TP53I3: variants seen among roughly 807,000 people sequenced by gnomAD.
The protein encoded by TP53I3 is quinone oxidoreductase PIG3.
In TP53I3, 32 loss-of-function variants were observed where a neutral mutation model predicts 27.7. The ratio of observed to expected loss-of-function variants is 1.16; its 90% CI spans 0.87 to 1.55. TP53I3 has a LOEUF of 1.55. TP53I3 is among the 40% of genes most tolerant of loss of function. The pLI, the probability that TP53I3 is intolerant of heterozygous loss-of-function variation, is 0.00. For missense variants in TP53I3, 372 were observed against 412.3 expected (o/e 0.90, Z 0.85); for synonymous variants, 138 against 167.8 (o/e 0.82, Z 1.37).
Position 24,077,547 on chromosome 2 carries a change from G to A in TP53I3, c.*32C>T. On this transcript the variant is annotated 3_prime_UTR_variant, in exon 5 of 5. Transcript: ENST00000238721. The surrounding 1 kb of genome is among the most constrained non-coding windows in gnomAD (Gnocchi z 5.5). The stretch of plus-strand genomic sequence containing the variant: ...CCAGGTTTGCTCTGGAAAGGCCTGG[G>A]GTGGCCGCGTCCTGTCCTGCCCCAT... 1 of 1,592,800 alleles carries A rather than the reference G, an allele frequency of 6.3e-7. No individual in the cohort carries two copies. Among genetic ancestry groups the A allele is most frequent in the Non-Finnish European group, 8.5e-7 (1 of 1,170,508 alleles).
At chr2:24,079,680 T>C in intron 3 of TP53I3, 40 bp from the exon 4 acceptor site, 1 of 1,590,730 alleles carries the variant, frequency 6.3e-7, no homozygotes, top group Non-Finnish European at 8.6e-7. Context: ...GTCAGCTTGG[T>C]GCTAAATAAG....
In TP53I3 at chr2:24,077,492, G is replaced by T. The variant is rs1664801091; in HGVS notation, c.*87C>A. On this transcript the variant is annotated 3_prime_UTR_variant, in exon 5 of 5. Transcript: ENST00000238721. The surrounding 1 kb of genome is among the most constrained non-coding windows in gnomAD (Gnocchi z 5.5). ...TAAACGGCTCTGGAGGAAGCACCGG[G>T]TTTCTTGGCCTGTCTATTGTGAATC... is the stretch of plus-strand genomic sequence containing the variant. 6 of 1,425,156 alleles carry T rather than the reference G, an allele frequency of 4.2e-6. No homozygotes were observed. The highest frequency in any genetic ancestry group is 1.4e-5 in the South Asian group (1 of 70,016). 88.3% of individuals were successfully genotyped at this position (1,425,156 alleles called of 1,614,324 possible).
intron 4 of TP53I3, among the ~76,000 whole-genome samples, chr2:24,078,063 G>C (rs1223835866): frequency 6.6e-6 from 1 of 152,116 alleles, no homozygotes; most frequent in Non-Finnish European, 1.5e-5. Flanking sequence ...ATTCCTCTGA[G>C]AGGGGTACCC....
rs145078765 is a variant in TP53I3 at position 24,079,505 on chromosome 2, G to A, written c.755C>T (p.Ser252Leu). The change falls in exon 4 of 5, where the codon TCA (serine) becomes TTA (leucine). Residue 252 changes from serine (S) to leucine (L), a missense_variant. Coordinates refer to ENST00000238721, the MANE Select transcript of TP53I3 (RefSeq NM_004881.5). ...ACTTCCTCGCTTAAAAAGTAGCTTT[G>A]AAAACAGGGGCCCATTGATGTCACC... ...GGGDINGPLFSKLLFKRGSLI... is the reference protein window; with the variant it reads ...GGGDINGPLFLKLLFKRGSLI... The A allele has an allele frequency of 6.2e-7, 1 of 1,614,114 alleles. No homozygotes were observed. The highest frequency in any genetic ancestry group is 1.1e-5 in the South Asian group (1 of 91,078).
rs144936276 is a variant in TP53I3 at position 24,077,699 on chromosome 2, G to C, written c.879C>G (p.Gly293=). 1 of 1,614,080 alleles carries C rather than the reference G, an allele frequency of 6.2e-7. No individual in the cohort carries two copies. The highest frequency in any genetic ancestry group is 1.7e-5 in the Admixed American group (1 of 60,016). The change falls in exon 5 of 5, where the codon GGC becomes GGG. Residue 293 remains glycine, a synonymous_variant. Transcript: ENST00000238721. The surrounding 1 kb of genome is among the most constrained non-coding windows in gnomAD (Gnocchi z 5.5). ...EQILPHFSTE[G]PQRLLPVLDR... ...CCAGAACCGGCAGCAGACGTTGGGGGCCCTCCGTGGAGAAGTGAGGCAGAA... is the reference window on the plus strand; with the variant it reads ...CCAGAACCGGCAGCAGACGTTGGGGCCCCTCCGTGGAGAAGTGAGGCAGAA...
At chr2:24,079,963 C>T (rs947314181) in intron 3 of TP53I3, among the ~76,000 whole-genome samples, 2 of 152,174 alleles carry the variant, frequency 1.3e-5, no homozygotes, top group Non-Finnish European at 2.9e-5. Context: ...GGAGGCCCAA[C>T]CTAGGCTAGT....
At position 24,080,658 on chromosome 2, in the gene TP53I3, C is replaced by A; in HGVS notation, c.619+161G>T. On this transcript the variant is annotated intron_variant, in intron 3 of 4. Transcript: ENST00000238721. This position sits in a 1 kb window ranked among gnomAD's most constrained non-coding sequence, Gnocchi z 4.7. ...CTTAGATTTAAATATGACTGCCTGT[C>A]TCCAGTGGTCAAATACCATAGTACT... The A allele has an allele frequency of 2.7e-6, 2 of 747,424 alleles. No individual in the cohort carries two copies. Among genetic ancestry groups the A allele is most frequent in the South Asian group, 3.4e-5 (2 of 58,556 alleles). 46.3% of individuals were successfully genotyped at this position (747,424 alleles called of 1,614,324 possible).
rs1665143164 is a variant in TP53I3 at position 24,084,156 on chromosome 2, C to T, written c.138+33G>A. 1 of 1,587,208 alleles carries T rather than the reference C, an allele frequency of 6.3e-7. No individual in the cohort carries two copies. Among genetic ancestry groups the T allele is most frequent in the African/African-American group, 1.3e-5 (1 of 74,546 alleles). On this transcript the variant is annotated intron_variant, in intron 1 of 4. Coordinates refer to ENST00000238721, the MANE Select transcript of TP53I3 (RefSeq NM_004881.5). The surrounding 1 kb of genome is among the most constrained non-coding windows in gnomAD (Gnocchi z 8.4). ...CTGTTGAGAGGGAGGCTCTGGAGTC[C>T]CGCCCGCCCCGGCGCGGCTGAGCCC...
intron 4 of TP53I3, among the ~76,000 whole-genome samples, chr2:24,078,080 T>C (rs1347446884): frequency 6.6e-6 from 1 of 152,110 alleles, no homozygotes; most frequent in Non-Finnish European, 1.5e-5. Flanking sequence ...ACCCTCCCCA[T>C]ACTAGGGCAA....
chr2:24,080,470 T>C lies in TP53I3; in HGVS notation c.619+349A>G, dbSNP rs1664949679. Among the ~76,000 whole-genome samples the C allele has an allele frequency of 6.6e-6, 1 of 152,176 alleles. No individual in the cohort carries two copies. Among genetic ancestry groups the C allele is most frequent in the African/African-American group, 2.4e-5 (1 of 41,456 alleles). ...CATTTAGGGTGCTACCACCCAACCCTACCATGGCTGGCTCCAAACTGGTCT... is the reference window on the plus strand; with the variant it reads ...CATTTAGGGTGCTACCACCCAACCCCACCATGGCTGGCTCCAAACTGGTCT... On this transcript the variant is annotated intron_variant, in intron 3 of 4. Coordinates refer to ENST00000238721, the MANE Select transcript of TP53I3 (RefSeq NM_004881.5). This position sits in a 1 kb window ranked among gnomAD's most constrained non-coding sequence, Gnocchi z 4.7.
In TP53I3 at chr2:24,084,232, A is replaced by C. The variant is rs746295555; in HGVS notation, c.95T>G (p.Leu32Arg). The C allele has an allele frequency of 6.2e-7, 1 of 1,614,024 alleles. No individual in the cohort carries two copies. Residue 32 changes from leucine to arginine, a missense_variant, in exon 1 of 5, where the codon CTG (leucine) becomes CGG (arginine). Leu to Arg is a moderately radical substitution (Grantham distance 102). Coordinates refer to ENST00000238721, the MANE Select transcript of TP53I3 (RefSeq NM_004881.5). The surrounding 1 kb of genome is among the most constrained non-coding windows in gnomAD (Gnocchi z 8.4). ...KPSPGEGEVL[L>R]KVAASALNRA... ...GTTCAGGGCGCTGGCCGCCACCTTC[A>C]GGAGGACTTCACCCTCCCCCGGGCT...
chr2:24,077,829 A>C lies in TP53I3; in HGVS notation c.817-68T>G. Reference sequence around the variant, plus strand: ...TCACCCTGCCCTCCTCATCCTCCTCAGCCTTCTTGCTCTCTCTGAAGCCAC... The same window carrying C: ...TCACCCTGCCCTCCTCATCCTCCTCCGCCTTCTTGCTCTCTCTGAAGCCAC... On this transcript the variant is annotated intron_variant, in intron 4 of 4. Coordinates refer to ENST00000238721, the MANE Select transcript of TP53I3 (RefSeq NM_004881.5). This position sits in a 1 kb window ranked among gnomAD's most constrained non-coding sequence, Gnocchi z 5.5. The C allele has an allele frequency of 1.3e-6, 2 of 1,535,610 alleles. No individual in the cohort carries two copies. The highest frequency in any genetic ancestry group is 1.8e-6 in the Non-Finnish European group (2 of 1,134,874).
rs1167946842 is a variant in TP53I3 at position 24,079,555 on chromosome 2, C to T, written c.705G>A (p.Trp235Ter). The T allele has an allele frequency of 6.2e-7, 1 of 1,614,060 alleles. No homozygotes were observed. The highest frequency in any genetic ancestry group is 1.7e-5 in the Admixed American group (1 of 60,000). ...NVNCLALDGR[W>*]VLYGLMGGGD... is the part of the protein sequence containing the mutation. ...CTCCTCCCATCAGACCATAGAGAAC[C>T]CATCGACCATCAAGAGCCAGGCAGT... Residue 235 changes from tryptophan to a stop codon, truncating the protein, a stop_gained, in exon 4 of 5, where the codon TGG (tryptophan) becomes TGA (stop). Transcript: ENST00000238721. LOFTEE classifies it high-confidence loss of function.
rs36207096 is a variant in TP53I3, at chr2:24,084,379, G to A, written c.-53C>T. 47 of 1,382,470 alleles carry A rather than the reference G, an allele frequency of 3.4e-5. No homozygotes were observed. The highest frequency in any genetic ancestry group is 4.4e-5 in the Non-Finnish European group (44 of 992,142). The allele number at this position is 1,382,470 out of a possible 1,614,324, so 85.6% of individuals were successfully genotyped here. A position where few individuals can be genotyped will look rare whatever the true frequency, so the allele number is the denominator to read the frequency against. The stretch of plus-strand genomic sequence containing the variant: ...GGCAGGACAGGACAGGGCAGGGCAG[G>A]GCAGGACAGGACAGGGCAGGGCAGG... On this transcript the variant is annotated 5_prime_UTR_variant, in exon 1 of 5. Transcript: ENST00000238721. This position sits in a 1 kb window ranked among gnomAD's most constrained non-coding sequence, Gnocchi z 8.4.
chr2:24,083,758 G>C (rs1030127634), intron 1 of TP53I3, among the ~76,000 whole-genome samples: 4 of 152,184 alleles, frequency 2.6e-5, no homozygotes, highest in African/African-American at 9.7e-5. Flanking sequence ...AGAGTGGAAA[G>C]AGTTAAGAGG....
Position 24,079,482 on chromosome 2 carries a change from T to G in TP53I3, c.778A>C (p.Ser260Arg). ...LFSKLLFKRG[S>R]LITSLLRSRD... ...GACCTCAGCAAACTGGTGATCAGAC[T>G]TCCTCGCTTAAAAAGTAGCTTTGAA... The change falls in exon 4 of 5, where the codon AGT (serine) becomes CGT (arginine). Residue 260 changes from serine to arginine, a missense_variant. Coordinates refer to ENST00000238721, the MANE Select transcript of TP53I3 (RefSeq NM_004881.5). 6.2e-7 allele frequency: 1 copy of G among 1,614,200 alleles called. No individual in the cohort carries two copies. The highest frequency in any genetic ancestry group is 8.5e-7 in the Non-Finnish European group (1 of 1,180,034).
In TP53I3 at chr2:24,084,271, T is replaced by A. The variant is rs766080022; in HGVS notation, c.56A>T (p.Glu19Val). The A allele has an allele frequency of 1.9e-6, 3 of 1,613,976 alleles. No homozygotes were observed. The highest frequency in any genetic ancestry group is 2.2e-5 in the South Asian group (2 of 91,074). Reference protein sequence around the residue: ...PGGPENLYVKEVAKPSPGEGE... With the variant: ...PGGPENLYVKVVAKPSPGEGE... ...CTCCCCCGGGCTCGGCTTGGCCACC[T>A]CCTTCACGTAGAGGTTTTCCGGTCC... The change falls in exon 1 of 5, where the codon GAG becomes GTG. Residue 19 changes from glutamate to valine, a missense_variant. Transcript: ENST00000238721. This position sits in a 1 kb window ranked among gnomAD's most constrained non-coding sequence, Gnocchi z 8.4.
chr2:24,079,324 A>T (rs1342730685), intron 4 of TP53I3, 120 bp downstream of exon 4: 1 of 1,030,438 alleles, frequency 9.7e-7, no homozygotes, highest in Non-Finnish European at 1.4e-6. Flanking sequence ...TCAGAGGGGG[A>T]GGTTTCTTCA....
At chr2:24,082,751 T>G in intron 2 of TP53I3, 134 bp downstream of exon 2, 1 of 1,236,612 alleles carries the variant, frequency 8.1e-7, no homozygotes, top group Non-Finnish European at 1.1e-6. Context: ...CCTTCTAACA[T>G]GGTTTGAGGA....
Sources: allele counts gnomAD v4.1 joint callset (sites outside exome capture counted in the v4.1 genomes callset), GRCh38; gene constraint gnomAD v4.1.1; non-coding constraint Gnocchi (gnomAD v3.1); transcripts MANE v1.5; gene names NCBI Gene and HGNC (gene_info 2026-07-23, HGNC 2026-07-21).